ADGRL2: variants seen among roughly 807,000 people sequenced by gnomAD.
ADGRL2 encodes the protein calcium-independent alpha-latrotoxin receptor 2.
Under a neutral mutation model 157.4 loss-of-function variants are expected in ADGRL2, and 44 were observed. The observed-to-expected ratio is 0.28, with a 90% confidence interval of 0.22 to 0.36. The LOEUF is 0.36. ADGRL2 is among the 10% of genes least tolerant of loss of function. ADGRL2 has a pLI of 1.00. For synonymous variants in ADGRL2, 585 were observed against 624.7 expected (o/e 0.94, Z 0.95); for missense variants, 1,510 against 1,768.9 (o/e 0.85, Z 2.63).
intron 3 of ADGRL2, among the ~76,000 whole-genome samples, chr1:81,930,528 T>C (rs1357432114): frequency 6.6e-6 from 1 of 152,186 alleles, no homozygotes; most frequent in Non-Finnish European, 1.5e-5. Context: ...ACTTTCACCT[T>C]CTTGCCATTT....
In ADGRL2 at chr1:81,716,920, G is replaced by C. The variant is rs1451175677; in HGVS notation, c.-143+17112G>C. On this transcript the variant is annotated intron_variant, in intron 1 of 20. Transcript: ENST00000359929. ...CTTCAAAGAAATAAAGTGCTGTTTA[G>C]TTTTTGATCTTCAGTCTTCTCATCC... is the stretch of plus-strand genomic sequence containing the variant. Among the ~76,000 whole-genome samples, 9 of 152,234 alleles carry C rather than the reference G, an allele frequency of 5.9e-5. No individual in the cohort carries two copies. In the East Asian group the frequency reaches 1.5e-3, roughly 26 times the overall value.
chr1:81,699,246 A>G (rs1467752831), upstream of ADGRL2, among the ~76,000 whole-genome samples: 1 of 152,252 alleles, frequency 6.6e-6, no homozygotes, highest in African/African-American at 2.4e-5. Context: ...GAACATAAAA[A>G]GAGCCCATTT....
intron 3 of ADGRL2, among the ~76,000 whole-genome samples, chr1:81,931,920 G>A (rs919843892): frequency 1.3e-5 from 2 of 152,080 alleles, no homozygotes; most frequent in African/African-American, 2.4e-5. Flanking sequence ...GATTATAAGC[G>A]TGAGCAATAG....
intron 1 of ADGRL2, among the ~76,000 whole-genome samples, chr1:81,706,129 G>C (rs1239988112): frequency 6.6e-6 from 1 of 152,090 alleles, no homozygotes; most frequent in Non-Finnish European, 1.5e-5. Flanking sequence ...AACCAGGGAG[G>C]TAGAGATTGC....
intron 2 of ADGRL2, among the ~76,000 whole-genome samples, chr1:81,562,496 A>T (rs368699282): frequency 1.3e-5 from 2 of 152,162 alleles, no homozygotes; most frequent in East Asian, 3.8e-4. Context: ...TGTCAATTTA[A>T]AATGTTCTTA....
intron 2 of ADGRL2, among the ~76,000 whole-genome samples, chr1:81,511,718 C>T (rs6666209): frequency 0.16 from 23,654 of 151,880 alleles, 1,944 homozygotes; most frequent in South Asian, 0.19. Flanking sequence ...GAAAGTGAGT[C>T]AAAAGCAAAT....
chr1:81,815,897 C>T (rs978409196), intron 1 of ADGRL2, among the ~76,000 whole-genome samples: 6 of 151,608 alleles, frequency 4.0e-5, no homozygotes, highest in East Asian at 1.9e-4. Context: ...CATCCGATAA[C>T]GAAGCATAAG....
intron 10 of ADGRL2, 170 bp from the exon 11 acceptor site, chr1:81,955,707 A>G (rs1168523465): frequency 4.4e-6 from 2 of 455,826 alleles, no homozygotes; most frequent in Non-Finnish European, 7.8e-6. Flanking sequence ...AAAATGGTCC[A>G]GTTATATTTT....
At chr1:81,413,219 A>C (rs999541076) in intron 1 of ADGRL2, among the ~76,000 whole-genome samples, 1 of 152,272 alleles carries the variant, frequency 6.6e-6, no homozygotes, top group East Asian at 1.9e-4. Context: ...TGCTAGATTT[A>C]GCAATGAAAG....
intron 1 of ADGRL2, among the ~76,000 whole-genome samples, chr1:81,334,877 G>GT (rs1270981953): frequency 6.6e-6 from 1 of 152,198 alleles, no homozygotes; most frequent in Non-Finnish European, 1.5e-5. Context: ...AGCAGAAGCT[G>GT]AAGAGCAGGG....
intron 2 of ADGRL2, among the ~76,000 whole-genome samples, chr1:81,535,056 A>G (rs560052093): frequency 2.6e-5 from 4 of 152,204 alleles, no homozygotes; most frequent in South Asian, 2.1e-4. Context: ...GCATCTCTGG[A>G]TGAGTCTTAT....
intron 1 of ADGRL2, among the ~76,000 whole-genome samples, chr1:81,372,931 TCA>T (rs1004727047): frequency 4.6e-5 from 7 of 152,212 alleles, no homozygotes; most frequent in African/African-American, 1.7e-4. Context: ...CCAATGGTTC[TCA>T]CTTTTTAATG....
intron 2 of ADGRL2, among the ~76,000 whole-genome samples, chr1:81,457,706 T>C (rs902778824): frequency 6.6e-6 from 1 of 152,230 alleles, no homozygotes; most frequent in African/African-American, 2.4e-5. Context: ...TTTGGATTTG[T>C]ATATAAAATG....
rs1653388071 is a variant in ADGRL2, at chr1:81,955,982, A to G, written c.1939A>G (p.Thr647Ala). 6.2e-6 allele frequency: 10 copies of G among 1,611,620 alleles called. No individual in the cohort carries two copies. The highest frequency in any genetic ancestry group is 8.5e-6 in the Non-Finnish European group (10 of 1,178,878). ...QAHTATMLLDTLEEGAFVLAD... is the reference protein window; with the variant it reads ...QAHTATMLLDALEEGAFVLAD... ...ACATACTGCAACAATGTTACTCGATACATTGGAAGAAGGAGCTTTTGTCCT... is the reference window on the plus strand; with the variant it reads ...ACATACTGCAACAATGTTACTCGATGCATTGGAAGAAGGAGCTTTTGTCCT... The change falls in exon 11 of 24, where the codon ACA becomes GCA. Residue 647 changes from threonine (T) to alanine (A), a missense_variant. Transcript: ENST00000686636.
intron 2 of ADGRL2, among the ~76,000 whole-genome samples, chr1:81,891,097 T>G (rs555620231): frequency 6.6e-6 from 1 of 152,084 alleles, no homozygotes; most frequent in South Asian, 2.1e-4. Context: ...TGCATGTATA[T>G]AGAAGTATAA....
intron 1 of ADGRL2, among the ~76,000 whole-genome samples, chr1:81,339,024 C>A (rs1472336542): frequency 6.6e-6 from 1 of 152,220 alleles, no homozygotes; most frequent in Non-Finnish European, 1.5e-5. Flanking sequence ...ATACAAAACT[C>A]AGTTCATGGT....
chr1:81,421,519 G>A (rs2077124347), intron 1 of ADGRL2, among the ~76,000 whole-genome samples: 1 of 152,134 alleles, frequency 6.6e-6, no homozygotes, highest in South Asian at 2.1e-4. Flanking sequence ...ACTGCAAGCA[G>A]TTACCATGAG....
In ADGRL2 at chr1:81,575,246, C is replaced by G. The variant is rs112201358; in HGVS notation, c.-247-5630C>G. ...AGCTATAGTAATTCTGCTGAGGTCA[C>G]GAACTTGTCTGATGAAGTACAGATG... On this transcript the variant is annotated intron_variant, in intron 2 of 24. Transcript: ENST00000370721. 8.3e-3 allele frequency among the ~76,000 whole-genome samples: 1,263 copies of G among 152,242 alleles called. 18 individuals are homozygous for G. Among genetic ancestry groups the G allele is most frequent in the African/African-American group, 0.028 (1,174 of 41,558 alleles).
At chr1:81,348,410 C>T (rs528565671) in intron 1 of ADGRL2, among the ~76,000 whole-genome samples, 3 of 152,126 alleles carry the variant, frequency 2.0e-5, no homozygotes, top group Admixed American at 6.5e-5. Context: ...TTCTCCTTCC[C>T]GTCTGCTTCA....
Sources: allele counts gnomAD v4.1 joint callset (sites outside exome capture counted in the v4.1 genomes callset), GRCh38; gene constraint gnomAD v4.1.1; transcripts MANE v1.5; gene names NCBI Gene and HGNC (gene_info 2026-07-23, HGNC 2026-07-21).